The following RAB31 variants were observed in gnomAD, a reference collection of about 807,000 sequenced individuals.
RAB31 encodes RAB31, member RAS oncogene family, also known as ras-related protein Rab-31.
RAB31 carries 21 observed loss-of-function variants against 25.6 expected under a neutral mutation model. The observed-to-expected ratio is 0.82, with a 90% CI of 0.58 to 1.18. RAB31 has a LOEUF of 1.18. Among genes scored for constraint, RAB31 ranks in the 50% most tolerant of loss-of-function variants. The pLI is 0.00. For missense variants in RAB31, 196 were observed against 250.1 expected (o/e 0.78, Z 1.46); for synonymous variants, 87 against 84.0 (o/e 1.04, Z -0.20).
chr18:9,748,167 G>A (rs1468327211), intron 1 of RAB31, among the ~76,000 whole-genome samples: 2 of 152,160 alleles, frequency 1.3e-5, no homozygotes, highest in East Asian at 3.9e-4. Context: ...TGATAATTTT[G>A]AGGGACAGCA....
intron 3 of RAB31, among the ~76,000 whole-genome samples, chr18:9,805,283 TAA>T (rs11451829): frequency 6.8e-6 from 1 of 146,816 alleles, no homozygotes; most frequent in Non-Finnish European, 1.5e-5. Context: ...ATAAAAAGAT[TAA>T]AAAAAAAAAA....
At position 9,807,765 on chromosome 18, in the gene RAB31, G is replaced by A. The variant is rs144189718; in HGVS notation, c.202-6255G>A. 3.2e-3 allele frequency among the ~76,000 whole-genome samples: 493 copies of A among 152,070 alleles called. 5 individuals carry two copies. Among genetic ancestry groups the A allele is most frequent in the African/African-American group, 0.011 (466 of 41,466 alleles). ...AAGGCAAAAAGATCACTTGAGCCTC[G>A]GAGTTTCAAACCAGCCTGGGCAACA... On this transcript the variant is annotated intron_variant, in intron 3 of 6. Transcript: ENST00000578921.
At position 9,806,318 on chromosome 18, in the gene RAB31, A is replaced by G. The variant is rs138753691; in HGVS notation, c.202-7702A>G. ...TTATTGACTTTTATTACATGCATTC[A>G]GTCATTAAATATTTGTCGAGTCCTT... On this transcript the variant is annotated intron_variant, in intron 3 of 6. Transcript: ENST00000578921. Among the ~76,000 whole-genome samples, 5 of 152,284 alleles carry G rather than the reference A, an allele frequency of 3.3e-5. No individual in the cohort carries two copies. The East Asian group carries it at 7.7e-4, about 23-fold the overall frequency.
At chr18:9,819,419 T>A (rs1163071012) in intron 5 of RAB31, among the ~76,000 whole-genome samples, 1 of 142,516 alleles carries the variant, frequency 7.0e-6, no homozygotes, top group Non-Finnish European at 1.6e-5. Flanking sequence ...CTTTATTAGT[T>A]GATCTACACG....
At chr18:9,820,342 G>A (rs975215930) in intron 5 of RAB31, among the ~76,000 whole-genome samples, 8 of 151,968 alleles carry the variant, frequency 5.3e-5, no homozygotes, top group Admixed American at 3.3e-4. Context: ...TGCATTGCTG[G>A]GATAAATCAC....
intron 6 of RAB31, 36 bp downstream of exon 6, chr18:9,845,727 C>T (rs2068758672): frequency 2.0e-6 from 3 of 1,515,952 alleles, no homozygotes; most frequent in East Asian, 2.5e-5. Flanking sequence ...GCCCAACTTG[C>T]ATTTTTATGC....
At chr18:9,738,214 T>C (rs2068160072) in intron 1 of RAB31, among the ~76,000 whole-genome samples, 2 of 152,174 alleles carry the variant, frequency 1.3e-5, no homozygotes, top group South Asian at 4.1e-4. Context: ...TTGTGAAATG[T>C]GTATTTGGTC....
At chr18:9,845,559 T>G in intron 5 of RAB31, 23 bp from the exon 6 acceptor site, 1 of 1,512,914 alleles carries the variant, frequency 6.6e-7, no homozygotes, top group Non-Finnish European at 8.8e-7. Context: ...TCATTTCCTG[T>G]CTACATTTGA....
At chr18:9,771,485 A>G (rs1008352497) in intron 1 of RAB31, among the ~76,000 whole-genome samples, 1 of 152,150 alleles carries the variant, frequency 6.6e-6, no homozygotes, top group Non-Finnish European at 1.5e-5. Flanking sequence ...AGTAGGCTTC[A>G]TTCTCTTTTC....
chr18:9,802,532 G>T (rs893274548), intron 3 of RAB31, among the ~76,000 whole-genome samples: 1 of 152,130 alleles, frequency 6.6e-6, no homozygotes, highest in Non-Finnish European at 1.5e-5. Context: ...AAACTACCTG[G>T]GTGTGGTGGT....
At chr18:9,791,268 T>A (rs2068458128) in intron 2 of RAB31, among the ~76,000 whole-genome samples, 1 of 152,064 alleles carries the variant, frequency 6.6e-6, no homozygotes, top group East Asian at 1.9e-4. Flanking sequence ...CATGCCAACA[T>A]ACCAGCTGCT....
chr18:9,793,067 A>G (rs1235368511), intron 3 of RAB31, among the ~76,000 whole-genome samples: 2 of 152,218 alleles, frequency 1.3e-5, no homozygotes, highest in African/African-American at 4.8e-5. Flanking sequence ...ATACTTGCAT[A>G]ATAACTAGAG....
chr18:9,801,555 A>T (rs1361813155), intron 3 of RAB31, among the ~76,000 whole-genome samples: 1 of 152,190 alleles, frequency 6.6e-6, no homozygotes, highest in Admixed American at 6.5e-5. Flanking sequence ...TGTTGGGATT[A>T]CAGGTGTAAG....
In RAB31 at chr18:9,761,524, T is replaced by G. The variant is rs2068288643; in HGVS notation, c.40-13754T>G. ...GGTTTTGTGGGTCAGGAATTGGGCA[T>G]GGCTTAGTAGGTCCTCGGGCTGGGG... On this transcript the variant is annotated intron_variant, in intron 1 of 6. Coordinates refer to ENST00000578921, the MANE Select transcript of RAB31 (RefSeq NM_006868.4). Among the ~76,000 whole-genome samples, 3 of 152,204 alleles carry G rather than the reference T, an allele frequency of 2.0e-5. No individual in the cohort carries two copies. The South Asian group carries it at 6.2e-4, about 31-fold the overall frequency.
intron 1 of RAB31, among the ~76,000 whole-genome samples, chr18:9,726,919 T>C (rs2068098771): frequency 6.6e-6 from 1 of 152,090 alleles, no homozygotes; most frequent in African/African-American, 2.4e-5. Flanking sequence ...AAGCATTACC[T>C]TAAAAAAAAA....
intron 5 of RAB31, among the ~76,000 whole-genome samples, chr18:9,842,107 T>C (rs1599063225): frequency 6.6e-6 from 1 of 151,502 alleles, no homozygotes; most frequent in Non-Finnish European, 1.5e-5. Context: ...GGGGTGGGAG[T>C]GGGACAAGGA....
intron 1 of RAB31, among the ~76,000 whole-genome samples, chr18:9,760,339 AATTTTTT>A (rs2068281960): frequency 6.6e-6 from 1 of 151,838 alleles, no homozygotes; most frequent in South Asian, 2.1e-4. Context: ...ATGCCCAGCT[AATTTTTT>A]ATTTTTTGTA....
chr18:9,755,368 G>T (rs1362143334), intron 1 of RAB31, among the ~76,000 whole-genome samples: 1 of 152,080 alleles, frequency 6.6e-6, no homozygotes, highest in South Asian at 2.1e-4. Flanking sequence ...TGTAGTCCAG[G>T]TTCCCATCAG....
intron 6 of RAB31, among the ~76,000 whole-genome samples, chr18:9,847,172 C>T (rs1158475418): frequency 6.6e-6 from 1 of 152,240 alleles, no homozygotes; most frequent in Admixed American, 6.5e-5. Context: ...GAACTCATTA[C>T]ATTAGCCTCA....
Sources: allele counts gnomAD v4.1 joint callset (sites outside exome capture counted in the v4.1 genomes callset), GRCh38; gene constraint gnomAD v4.1.1; transcripts MANE v1.5; gene names NCBI Gene and HGNC (gene_info 2026-07-23, HGNC 2026-07-21).